The following PPHLN1 variants were observed in gnomAD, a reference collection of about 807,000 sequenced individuals.
The protein encoded by PPHLN1 is periphilin 1.
PPHLN1 carries 29 observed loss-of-function variants against 51.3 expected under a neutral mutation model. That is an observed-to-expected ratio of 0.57 (90% CI 0.42 to 0.77). The LOEUF (loss-of-function observed/expected upper bound fraction) is 0.77. PPHLN1 is among the 30% of genes least tolerant of loss of function. The probability of loss-of-function intolerance (pLI) is 0.00; values close to 1 mark genes in which losing one functional copy is unlikely to be tolerated. For missense variants in PPHLN1, 436 were observed against 438.4 expected (o/e 0.99, Z 0.05); for synonymous variants, 147 against 147.8 (o/e 0.99, Z 0.04).
intron 9 of PPHLN1, among the ~76,000 whole-genome samples, chr12:42,409,489 T>G (rs1322461509): frequency 6.6e-6 from 1 of 152,160 alleles, no homozygotes; most frequent in African/African-American, 2.4e-5. Context: ...CTTTAAAATA[T>G]ATAACAGCAG....
chr12:42,414,192 G>T (rs1000739052), intron 9 of PPHLN1, among the ~76,000 whole-genome samples: 1 of 151,978 alleles, frequency 6.6e-6, no homozygotes, highest in African/African-American at 2.4e-5. Flanking sequence ...CTGCCACCAT[G>T]CCCGGCTTAT....
downstream of PPHLN1, chr12:42,442,688 G>GA: frequency 6.2e-7 from 1 of 1,614,150 alleles, no homozygotes; most frequent in Non-Finnish European, 8.5e-7. Flanking sequence ...GAGGAACACT[G>GA]AAATGGATCA....
chr12:42,419,973 A>T (rs1216502108), intron 9 of PPHLN1, among the ~76,000 whole-genome samples: 1 of 152,218 alleles, frequency 6.6e-6, no homozygotes, highest in African/African-American at 2.4e-5. Flanking sequence ...TAGCAGAAAT[A>T]TAGGATATCA....
intron 9 of PPHLN1, among the ~76,000 whole-genome samples, chr12:42,426,534 G>C (rs1295313320): frequency 6.6e-6 from 1 of 152,120 alleles, no homozygotes; most frequent in Non-Finnish European, 1.5e-5. Flanking sequence ...AATAACTCCA[G>C]AGTGCTTTTG....
intron 5 of PPHLN1, among the ~76,000 whole-genome samples, chr12:42,380,773 A>G (rs2076691819): frequency 6.6e-6 from 1 of 152,170 alleles, no homozygotes; most frequent in Admixed American, 6.5e-5. Flanking sequence ...TTATCATCAG[A>G]TCATGTATAT....
intron 1 of PPHLN1, among the ~76,000 whole-genome samples, chr12:42,330,870 T>C (rs56290913): frequency 0.61 from 92,958 of 151,904 alleles, 28,635 homozygotes; most frequent in Admixed American, 0.67. Context: ...CCACCACACC[T>C]GGCTAATTTT....
chr12:42,334,330 TTAAAG>T (rs1402261311), intron 1 of PPHLN1, among the ~76,000 whole-genome samples: 17 of 152,238 alleles, frequency 1.1e-4, no homozygotes, highest in Non-Finnish European at 2.9e-5. Flanking sequence ...AATTTTTAAT[TTAAAG>T]TAAGATTTCC....
chr12:42,437,114 T>C (rs1484744031), intron 9 of PPHLN1, among the ~76,000 whole-genome samples: 1 of 152,210 alleles, frequency 6.6e-6, no homozygotes, highest in Non-Finnish European at 1.5e-5. Context: ...TCTTTGTTAA[T>C]TTATCAGTTG....
chr12:42,360,455 A>ATTTT (rs1565821205), intron 4 of PPHLN1, among the ~76,000 whole-genome samples: 5 of 111,806 alleles, frequency 4.5e-5, no homozygotes, highest in African/African-American at 1.9e-4. Flanking sequence ...GTGATGCTGA[A>ATTTT]TTCTTTTTTT....
At chr12:42,355,296 C>CA (rs1439487983) in intron 4 of PPHLN1, 74 bp downstream of exon 4, 1 of 1,253,008 alleles carries the variant, frequency 8.0e-7, no homozygotes, top group Non-Finnish European at 1.2e-6. Flanking sequence ...GAAATATAGA[C>CA]TCAAGGCACA....
chr12:42,330,891 G>A (rs11181429), intron 1 of PPHLN1, among the ~76,000 whole-genome samples: 24,738 of 152,024 alleles, frequency 0.16, 2,068 homozygotes, highest in Admixed American at 0.2. Context: ...TTGTATTTTT[G>A]GTAGAGACGG....
At chr12:42,381,390 T>C (rs1171413373) in intron 5 of PPHLN1, among the ~76,000 whole-genome samples, 1 of 152,246 alleles carries the variant, frequency 6.6e-6, no homozygotes, top group Non-Finnish European at 1.5e-5. Flanking sequence ...ATGTTCATAA[T>C]GTGTGCAGAT....
At chr12:42,368,232 G>T (rs929507641) in intron 4 of PPHLN1, among the ~76,000 whole-genome samples, 1 of 151,776 alleles carries the variant, frequency 6.6e-6, no homozygotes, top group African/African-American at 2.4e-5. Flanking sequence ...CAGTTGTTTT[G>T]GGTGGGTGGG....
chr12:42,339,117 C>G (rs2071112494), intron 2 of PPHLN1, among the ~76,000 whole-genome samples: 1 of 152,222 alleles, frequency 6.6e-6, no homozygotes, highest in African/African-American at 2.4e-5. Context: ...ATGTATTCAG[C>G]TGTCTCTTAA....
chr12:42,360,458 C>CTTTTTTTTTTTGTTTTTTTTT (rs2074529740), intron 4 of PPHLN1, among the ~76,000 whole-genome samples: 1 of 56,274 alleles, frequency 1.8e-5, no homozygotes, highest in African/African-American at 7.6e-5. Context: ...ATGCTGAATT[C>CTTTTTTTTTTTGTTTTTTTTT]TTTTTTTTTT....
At chr12:42,426,226 A>ACACC (rs1566010585) in intron 9 of PPHLN1, among the ~76,000 whole-genome samples, 2 of 123,110 alleles carry the variant, frequency 1.6e-5, no homozygotes, top group Non-Finnish European at 3.4e-5. Context: ...ACACACACAC[A>ACACC]CACCCTCATG....
downstream of PPHLN1, chr12:42,443,020 A>AATG (rs2083088592): frequency 5.8e-6 from 2 of 346,870 alleles, no homozygotes; most frequent in Non-Finnish European, 1.1e-5. Flanking sequence ...GCACAAGGGC[A>AATG]ATGGGTCCCA....
chr12:42,406,376 G>A (rs1330050950), intron 9 of PPHLN1, among the ~76,000 whole-genome samples: 2 of 152,080 alleles, frequency 1.3e-5, no homozygotes, highest in African/African-American at 4.8e-5. Flanking sequence ...CACCGTGCCC[G>A]GCCTCTGTTT....
intron 9 of PPHLN1, among the ~76,000 whole-genome samples, chr12:42,436,463 ATTGATAG>A (rs994470065): frequency 6.6e-6 from 1 of 152,210 alleles, no homozygotes; most frequent in African/African-American, 2.4e-5. Context: ...TTAACTTCCT[ATTGATAG>A]TTGGTTCTGG....
Sources: gnomAD v4.1 joint callset for allele counts (sites outside exome capture counted in the v4.1 genomes callset) on GRCh38, gnomAD v4.1.1 for gene constraint, MANE v1.5 for transcripts, NCBI Gene and HGNC (gene_info 2026-07-23, HGNC 2026-07-21) for gene names.